The following MLST8 variants were observed in gnomAD, a reference collection of about 807,000 sequenced individuals.
The protein encoded by MLST8 is MTOR associated protein MLST8.
In MLST8, 20 loss-of-function variants were observed where a neutral mutation model predicts 41.3. The observed-to-expected ratio is 0.48, with a 90% CI of 0.34 to 0.70. The LOEUF (loss-of-function observed/expected upper bound fraction) is 0.70. MLST8 is among the 30% of genes least tolerant of loss of function. The pLI, the probability that MLST8 is intolerant of heterozygous loss-of-function variation, is 0.01. For synonymous variants in MLST8, 243 were observed against 183.0 expected, an observed-to-expected ratio of 1.33 and a Z score of -2.65; for missense variants, 422 against 454.3, an observed-to-expected ratio of 0.93 and a Z score of 0.65.
At position 2,209,292 on chromosome 16, in the gene MLST8, C is replaced by T. The variant is rs1212067904; in HGVS notation, c.*415C>T. 2.9e-6 allele frequency: 4 copies of T among 1,385,562 alleles called. No individual in the cohort carries two copies. Among genetic ancestry groups the T allele is most frequent in the East Asian group, 4.6e-5 (2 of 43,432 alleles). 85.8% of individuals were successfully genotyped at this position (1,385,562 alleles called of 1,614,324 possible). On this transcript the variant is annotated 3_prime_UTR_variant, in exon 9 of 9. Transcript: ENST00000569417. ...TTTATTAGTCCCTGCCAGCAGCTGT[C>T]CTCCCTGGTGCAGGTGGCCTGGCCA... is the stretch of plus-strand genomic sequence containing the variant.
In MLST8 at chr16:2,208,221, TGTC is replaced by T; in HGVS notation, c.586_588del (p.Val196del). ...CTCCTGACCTCTAGGGAAACTGCTA[TGTC>T]TGGAATCTGACGGGGGGCATTGGTG... On this transcript the variant is annotated inframe_deletion, in exon 7 of 9. Coordinates refer to ENST00000569417, the MANE Select transcript of MLST8 (RefSeq NM_022372.6). 1 of 1,611,948 alleles carries T rather than the reference TGTC, an allele frequency of 6.2e-7. No individual in the cohort carries two copies. The highest frequency in any genetic ancestry group is 8.5e-7 in the Non-Finnish European group (1 of 1,178,678).
Position 2,207,224 on chromosome 16 carries a change from C to A in MLST8, c.452C>A (p.Ala151Asp). Residue 151 changes from alanine (A) to aspartate (D), a missense_variant, in exon 6 of 9, where the codon GCT becomes GAT. Physicochemically the swap from Ala to Asp is moderately radical, Grantham distance 126. Transcript: ENST00000569417. ...CTCATCGTGGGTGACCAGAGCGGGG[C>A]TATCCACATCTGGGACTTGAAAACA... ...AELIVGDQSG[A>D]IHIWDLKTDH... 6.2e-7 allele frequency: 1 copy of A among 1,614,190 alleles called. No homozygotes were observed. The highest frequency in any genetic ancestry group is 8.5e-7 in the Non-Finnish European group (1 of 1,180,016).
rs761657925 is a variant in MLST8, at chr16:2,209,069, A to T, written c.*192A>T. On this transcript the variant is annotated 3_prime_UTR_variant, in exon 9 of 9. Transcript: ENST00000569417. ...CCAGTTGCTTATCCAGATGTGACAG[A>T]GCTCGACCCAAGCCAGGCTGCACAC... 1.0e-4 allele frequency: 69 copies of T among 673,698 alleles called. No homozygotes were observed. Among genetic ancestry groups the T allele is most frequent in the Non-Finnish European group, 1.7e-4 (66 of 394,806 alleles). The allele number at this position is 673,698 out of a possible 1,614,324, so 41.7% of individuals were successfully genotyped here. A position where few individuals can be genotyped will look rare whatever the true frequency, so the allele number is the denominator to read the frequency against.
In MLST8 at chr16:2,206,139, A is replaced by G; in HGVS notation, c.54A>G (p.Ala18=). 3 of 1,611,632 alleles carry G rather than the reference A, an allele frequency of 1.9e-6. No individual in the cohort carries two copies. Among genetic ancestry groups the G allele is most frequent in the Non-Finnish European group, 2.5e-6 (3 of 1,179,080 alleles). ...GTGACCCGGTCATCCTGGCCACTGC[A>G]GGCTACGACCACACCGTGCGCTTCT... ...VGSDPVILAT[A]GYDHTVRFWQ... Residue 18 remains alanine, a synonymous_variant, in exon 2 of 9, where the codon GCA becomes GCG. Coordinates refer to ENST00000569417, the MANE Select transcript of MLST8 (RefSeq NM_022372.6).
chr16:2,205,613 CGGAGGAAAGGGGA>C, intron 1 of MLST8, 101 bp downstream of exon 1: 1 of 927,278 alleles, frequency 1.1e-6, no homozygotes, highest in Non-Finnish European at 1.3e-6. Context: ...GGGCGGTCAC[CGGAGGAAAGGGGA>C]GCTCGGGGGT....
chr16:2,206,954 G>A, intron 4 of MLST8, 81 bp from the exon 5 acceptor site: 1 of 1,536,684 alleles, frequency 6.5e-7, no homozygotes, highest in East Asian at 2.2e-5. Flanking sequence ...AGAGGGAGGG[G>A]AGGAATGGCC....
At chr16:2,206,245 G>A (rs1177008432) in intron 2 of MLST8, 31 bp downstream of exon 2, 1 of 1,600,838 alleles carries the variant, frequency 6.2e-7, no homozygotes. Flanking sequence ...GCAGGGCGGC[G>A]CTGGGGGGAT....
chr16:2,206,487 G>C lies in MLST8; in HGVS notation c.182-10G>C, dbSNP rs994846253. On this transcript the variant is annotated splice_polypyrimidine_tract_variant and intron_variant, in intron 3 of 8. Transcript: ENST00000569417. ...GCACAGCCAAGCTTCAGTTCAGCCTGTGTCCCTAGGTTACCAGCACATCCG... is the reference window on the plus strand; with the variant it reads ...GCACAGCCAAGCTTCAGTTCAGCCTCTGTCCCTAGGTTACCAGCACATCCG... 1.2e-6 allele frequency: 2 copies of C among 1,611,034 alleles called. No homozygotes were observed. Among genetic ancestry groups the C allele is most frequent in the South Asian group, 2.2e-5 (2 of 91,044 alleles).
At position 2,209,257 on chromosome 16, in the gene MLST8, G is replaced by C. The variant is rs2093357878; in HGVS notation, c.*380G>C. 9.2e-7 allele frequency: 1 copy of C among 1,081,216 alleles called. No individual in the cohort carries two copies. Among genetic ancestry groups the C allele is most frequent in the Non-Finnish European group, 1.4e-6 (1 of 736,642 alleles). 67.0% of individuals were successfully genotyped at this position (1,081,216 alleles called of 1,614,324 possible). A position where few individuals can be genotyped will look rare whatever the true frequency, so the allele number is the denominator to read the frequency against. On this transcript the variant is annotated 3_prime_UTR_variant, in exon 9 of 9. Coordinates refer to ENST00000569417, the MANE Select transcript of MLST8 (RefSeq NM_022372.6). The stretch of plus-strand genomic sequence containing the variant: ...ATAGAGAACACCACCACCATGGCCA[G>C]GTGGAAGGGTTTATTAGTCCCTGCC...
At chr16:2,205,899 C>T (rs767681661) in intron 1 of MLST8, 132 bp from the exon 2 acceptor site, 139 of 1,430,302 alleles carry the variant, frequency 9.7e-5, no homozygotes, top group Non-Finnish European at 1.3e-4. Context: ...GACGCGTGTC[C>T]CTGAACCTAC....
In MLST8 at chr16:2,206,048, C is replaced by T. The variant is rs201757155; in HGVS notation, c.-38C>T. The stretch of plus-strand genomic sequence containing the variant: ...CTCTGCAGATGCTCTGACCTTTGAC[C>T]CCTGCCGTTCAGCTCTAGGGCCCGT... On this transcript the variant is annotated 5_prime_UTR_variant, in exon 2 of 9. Coordinates refer to ENST00000569417, the MANE Select transcript of MLST8 (RefSeq NM_022372.6). 2.6e-4 allele frequency: 382 copies of T among 1,454,838 alleles called. No homozygotes were observed. The highest frequency in any genetic ancestry group is 1.6e-3 in the African/African-American group (107 of 64,864). 90.1% of individuals were successfully genotyped at this position (1,454,838 alleles called of 1,614,324 possible).
In MLST8 at chr16:2,206,713, A is replaced by G. The variant is rs2093297609; in HGVS notation, c.344+54A>G. 3.1e-6 allele frequency: 5 copies of G among 1,589,648 alleles called. No homozygotes were observed. The South Asian group carries it at 5.5e-5, about 18-fold the overall frequency. On this transcript the variant is annotated intron_variant, in intron 4 of 8. Transcript: ENST00000569417. ...GGGCTGGGGTGGGCTGCTCTGGGAGACCGTTTTAGGTTGGGTTCTCTTCAA... is the reference window on the plus strand; with the variant it reads ...GGGCTGGGGTGGGCTGCTCTGGGAGGCCGTTTTAGGTTGGGTTCTCTTCAA...
At position 2,209,282 on chromosome 16, in the gene MLST8, C is replaced by T. The variant is rs2093358080; in HGVS notation, c.*405C>T. 2.3e-6 allele frequency: 3 copies of T among 1,313,508 alleles called. No individual in the cohort carries two copies. Among genetic ancestry groups the T allele is most frequent in the East Asian group, 2.3e-5 (1 of 42,992 alleles). 81.4% of individuals were successfully genotyped at this position (1,313,508 alleles called of 1,614,324 possible). A position where few individuals can be genotyped will look rare whatever the true frequency, so the allele number is the denominator to read the frequency against. On this transcript the variant is annotated 3_prime_UTR_variant, in exon 9 of 9. Coordinates refer to ENST00000569417, the MANE Select transcript of MLST8 (RefSeq NM_022372.6). ...GGTGGAAGGGTTTATTAGTCCCTGC[C>T]AGCAGCTGTCCTCCCTGGTGCAGGT...
chr16:2,206,451 G>A, intron 3 of MLST8, 42 bp downstream of exon 3: 2 of 1,613,568 alleles, frequency 1.2e-6, no homozygotes, highest in Non-Finnish European at 1.7e-6. Context: ...AGCTCTGGTG[G>A]GTCGACCTCA....
At position 2,205,881 on chromosome 16, in the gene MLST8, AC is replaced by A. The variant is rs747438209; in HGVS notation, c.-55-149del. ...CCCTGGAGCCCCGGAGCCAGGTATC[AC>A]GCGTGTGACGCGTGTCCCTGAACCT... On this transcript the variant is annotated intron_variant, in intron 1 of 8. Coordinates refer to ENST00000569417, the MANE Select transcript of MLST8 (RefSeq NM_022372.6). The A allele has an allele frequency of 3.4e-5, 47 of 1,372,562 alleles. No individual in the cohort carries two copies. The South Asian group carries it at 7.4e-4, about 21-fold the overall frequency. The allele number at this position is 1,372,562 out of a possible 1,614,324, so 85.0% of individuals were successfully genotyped here. A position where few individuals can be genotyped will look rare whatever the true frequency, so the allele number is the denominator to read the frequency against.
chr16:2,205,616 A>T (rs776984490), intron 1 of MLST8, 104 bp downstream of exon 1: 800 of 929,986 alleles, frequency 8.6e-4, no homozygotes, highest in Non-Finnish European at 9.9e-4. Context: ...CGGTCACCGG[A>T]GGAAAGGGGA....
intron 8 of MLST8, 56 bp downstream of exon 8, chr16:2,208,669 C>T: frequency 6.2e-7 from 1 of 1,612,586 alleles, no homozygotes; most frequent in South Asian, 1.1e-5. Context: ...CCTCCAGAGC[C>T]AGCCCACCTC....
Position 2,207,186 on chromosome 16 carries a change from A to C in MLST8, c.421-7A>C. On this transcript the variant is annotated splice_region_variant and splice_polypyrimidine_tract_variant and intron_variant, in intron 5 of 8. Transcript: ENST00000569417. Reference sequence around the variant, plus strand: ...TTGGGCCCTGCCTCACCACCCCTGCACCCCAGGCAGAGCTCATCGTGGGTG... The same window carrying C: ...TTGGGCCCTGCCTCACCACCCCTGCCCCCCAGGCAGAGCTCATCGTGGGTG... The C allele has an allele frequency of 6.2e-7, 1 of 1,613,534 alleles. No individual in the cohort carries two copies. The highest frequency in any genetic ancestry group is 8.5e-7 in the Non-Finnish European group (1 of 1,179,582).
chr16:2,208,302 C>T lies in MLST8; in HGVS notation c.666C>T (p.Tyr222=), dbSNP rs201167309. ...PKTKIPAHTR[Y]ALQCRFSPDS... ...CTAAGATCCCTGCCCACACGCGCTA[C>T]GCCCTGCAGTGTCGCTTCAGCCCCG... The change falls in exon 7 of 9, where the codon TAC becomes TAT. Residue 222 remains tyrosine, a synonymous_variant. Transcript: ENST00000569417. The T allele has an allele frequency of 1.3e-4, 203 of 1,610,916 alleles. 1 individual carries two copies. Among genetic ancestry groups the T allele is most frequent in the Middle Eastern group, 1.2e-3 (7 of 6,078 alleles).
Sources: allele counts gnomAD v4.1 joint callset, GRCh38; gene constraint gnomAD v4.1.1; transcripts MANE v1.5; gene names NCBI Gene and HGNC (gene_info 2026-07-23, HGNC 2026-07-21).